The following C10orf90 variants were observed in gnomAD, a reference collection of about 807,000 sequenced individuals.
C10orf90 encodes (E2-independent) E3 ubiquitin-conjugating enzyme FATS.
A neutral mutation model predicts 62.5 loss-of-function variants in C10orf90; 56 were observed. That is an observed-to-expected ratio of 0.90 (90% CI 0.72 to 1.12). C10orf90 has a LOEUF of 1.12. C10orf90 is among the 50% of genes most tolerant of loss of function. The pLI, the probability that C10orf90 is intolerant of heterozygous loss-of-function variation, is 0.00. For synonymous variants in C10orf90, 386 were observed against 340.4 expected (o/e 1.13, Z -1.47); for missense variants, 970 against 880.4 (o/e 1.10, Z -1.29).
chr10:126,665,842 C>T (rs1474191100), intron 1 of C10orf90, among the ~76,000 whole-genome samples: 2 of 152,142 alleles, frequency 1.3e-5, no homozygotes, highest in East Asian at 3.9e-4. Context: ...AGGAGAATTC[C>T]AGCAGCCTGC....
chr10:126,526,942 A>G (rs1455951267), intron 2 of C10orf90, among the ~76,000 whole-genome samples: 1 of 152,190 alleles, frequency 6.6e-6, no homozygotes, highest in Non-Finnish European at 1.5e-5. Context: ...GCATAGGTAG[A>G]CCACCTATGT....
chr10:126,549,751 A>AC lies in C10orf90; in HGVS notation c.314-35813_314-35812insG, dbSNP rs1205859687. Among the ~76,000 whole-genome samples the AC allele has an allele frequency of 6.4e-5, 9 of 141,134 alleles. No individual in the cohort carries two copies. The East Asian group carries it at 1.5e-3, about 24-fold the overall frequency. 92.6% of individuals were successfully genotyped at this position (141,134 alleles called of 152,430 possible). A position where few individuals can be genotyped will look rare whatever the true frequency, so the allele number is the denominator to read the frequency against. ...CATCTTTATTCATAATAGCAAAAAA[A>AC]AAAAAAAAAATTTAAGAACAACCCA... On this transcript the variant is annotated intron_variant, in intron 2 of 9. Transcript: ENST00000488181.
chr10:126,532,581 T>C (rs1864121984), intron 2 of C10orf90, among the ~76,000 whole-genome samples: 2 of 151,792 alleles, frequency 1.3e-5, no homozygotes, highest in Admixed American at 6.6e-5. Flanking sequence ...CTCACGCCTA[T>C]AGTCCCTGCA....
At position 126,504,505 on chromosome 10, in the gene C10orf90, G is replaced by T. The variant is rs745911221; in HGVS notation, c.986C>A (p.Thr329Asn). 1 of 1,614,084 alleles carries T rather than the reference G, an allele frequency of 6.2e-7. No individual in the cohort carries two copies. Among genetic ancestry groups the T allele is most frequent in the Non-Finnish European group, 8.5e-7 (1 of 1,180,046 alleles). The stretch of plus-strand genomic sequence containing the variant: ...CAGTGGGGTGTCTGGAGAAAAACTG[G>T]TCTCTTTGTCGTCTGCATGGGTGAC... ...YWVTHADDKE[T>N]SFSPDTPLSG... Residue 329 changes from threonine to asparagine, a missense_variant, in exon 4 of 10, where the codon ACC (threonine) becomes AAC (asparagine). By Grantham distance (65) the Thr-to-Asn change is moderately conservative (BLOSUM62 0). Coordinates refer to ENST00000488181, the MANE Select transcript of C10orf90 (RefSeq NM_001350921.2). This position sits in a 1 kb window ranked among gnomAD's most constrained non-coding sequence, Gnocchi z 4.1.
chr10:126,516,123 C>T (rs1267780035), intron 2 of C10orf90, among the ~76,000 whole-genome samples: 1 of 152,226 alleles, frequency 6.6e-6, no homozygotes, highest in Non-Finnish European at 1.5e-5. Context: ...AGGCCTGCAT[C>T]CTGCTTGGCC....
chr10:126,499,642 T>G (rs1345618773), intron 4 of C10orf90, among the ~76,000 whole-genome samples: 1 of 152,170 alleles, frequency 6.6e-6, no homozygotes, highest in Non-Finnish European at 1.5e-5. Flanking sequence ...CAGTGCTCAT[T>G]TGGAGACCTG....
At chr10:126,516,216 A>T (rs1457595878) in intron 2 of C10orf90, among the ~76,000 whole-genome samples, 1 of 152,222 alleles carries the variant, frequency 6.6e-6, no homozygotes, top group African/African-American at 2.4e-5. Flanking sequence ...ACCTCCTGCA[A>T]AAATGCTGCT....
At chr10:126,577,853 A>C (rs1844658680) in intron 2 of C10orf90, among the ~76,000 whole-genome samples, 1 of 152,152 alleles carries the variant, frequency 6.6e-6, no homozygotes, top group African/African-American at 2.4e-5. Context: ...CTCCTAATTT[A>C]TGACAAATGC....
intron 2 of C10orf90, among the ~76,000 whole-genome samples, chr10:126,621,962 C>T (rs1845652120): frequency 1.3e-5 from 2 of 151,866 alleles, no homozygotes; most frequent in African/African-American, 4.8e-5. Flanking sequence ...CCCCACACCA[C>T]CCCCTAACTG....
rs1325652251 is a variant in C10orf90, at chr10:126,507,589, T to C, written c.406-2504A>G. Among the ~76,000 whole-genome samples the C allele has an allele frequency of 4.0e-5, 6 of 151,868 alleles. No individual in the cohort carries two copies. The East Asian group carries it at 1.2e-3, about 30-fold the overall frequency. On this transcript the variant is annotated intron_variant, in intron 3 of 9. Coordinates refer to ENST00000488181, the MANE Select transcript of C10orf90 (RefSeq NM_001350921.2). ...TTTTAGCCCAGCGGCTACCTCACAC[T>C]TCCCAATCACATCATGCGTTGCTTC...
chr10:126,546,347 C>T (rs575373996), intron 2 of C10orf90, among the ~76,000 whole-genome samples: 1 of 152,336 alleles, frequency 6.6e-6, no homozygotes, highest in Non-Finnish European at 1.5e-5. Flanking sequence ...GAGCGGGAGC[C>T]AGAATTCTCA....
intron 7 of C10orf90, among the ~76,000 whole-genome samples, chr10:126,458,225 G>T (rs1033003592): frequency 6.6e-6 from 1 of 152,076 alleles, no homozygotes; most frequent in Admixed American, 6.5e-5. Context: ...TTCCCCAAAA[G>T]ACTTTTATTC....
At chr10:126,519,154 G>A (rs1863607358) in intron 2 of C10orf90, among the ~76,000 whole-genome samples, 1 of 152,148 alleles carries the variant, frequency 6.6e-6, no homozygotes, top group Non-Finnish European at 1.5e-5. Flanking sequence ...ATGGGGTTGG[G>A]TTTAGATAAA....
At chr10:126,506,148 C>T (rs1564842102) in intron 3 of C10orf90, among the ~76,000 whole-genome samples, 1 of 152,144 alleles carries the variant, frequency 6.6e-6, no homozygotes. Context: ...TTTTAAATGA[C>T]CAAGGTGTTT....
chr10:126,460,635 T>A (rs562084415), intron 6 of C10orf90, among the ~76,000 whole-genome samples: 178 of 152,238 alleles, frequency 1.2e-3, no homozygotes, highest in African/African-American at 4.0e-3. Flanking sequence ...GGCTCAGGTT[T>A]AGCTGCTGCC....
intron 2 of C10orf90, among the ~76,000 whole-genome samples, chr10:126,559,217 G>A (rs1864847368): frequency 6.6e-6 from 1 of 152,102 alleles, no homozygotes; most frequent in South Asian, 2.1e-4. Context: ...ACTCCTTATT[G>A]TATGTTTCCT....
intron 7 of C10orf90, among the ~76,000 whole-genome samples, chr10:126,438,537 A>G (rs1034418294): frequency 1.6e-4 from 24 of 152,222 alleles, no homozygotes; most frequent in African/African-American, 5.8e-4. Context: ...AGAATACAGT[A>G]TACGACAAAT....
At chr10:126,428,788 G>A (rs1354254381) in intron 8 of C10orf90, among the ~76,000 whole-genome samples, 1 of 152,124 alleles carries the variant, frequency 6.6e-6, no homozygotes, top group Non-Finnish European at 1.5e-5. Context: ...ATGCAACTTT[G>A]CACTTCTGAA....
chr10:126,573,158 T>A (rs547355982), intron 2 of C10orf90, among the ~76,000 whole-genome samples: 1 of 152,280 alleles, frequency 6.6e-6, no homozygotes, highest in South Asian at 2.1e-4. Context: ...TTTAAGGGCT[T>A]ACAACTCTAA....
Sources: allele counts gnomAD v4.1 joint callset (sites outside exome capture counted in the v4.1 genomes callset), GRCh38; gene constraint gnomAD v4.1.1; non-coding constraint Gnocchi (gnomAD v3.1); transcripts MANE v1.5; gene names NCBI Gene and HGNC (gene_info 2026-07-23, HGNC 2026-07-21).